The following SPATA6 variants were observed in gnomAD, a reference collection of about 807,000 sequenced individuals.
The protein encoded by SPATA6 is spermatogenesis-associated protein 6.
SPATA6 carries 56 observed loss-of-function variants against 65.3 expected under a neutral mutation model. That is an observed-to-expected ratio of 0.86 (90% CI 0.69 to 1.07). SPATA6 has a LOEUF of 1.07. Among genes scored for constraint, SPATA6 ranks in the 50% least tolerant of loss-of-function variants. The probability of loss-of-function intolerance (pLI) is 0.00; values close to 1 mark genes in which losing one functional copy is unlikely to be tolerated. For synonymous variants in SPATA6, 199 were observed against 213.2 expected (o/e 0.93, Z 0.58); for missense variants, 590 against 594.8 (o/e 0.99, Z 0.08).
chr1:48,386,616 T>C (rs561243947), intron 8 of SPATA6, among the ~76,000 whole-genome samples: 3 of 152,290 alleles, frequency 2.0e-5, no homozygotes, highest in Admixed American at 2.0e-4. Flanking sequence ...ACCCAAGAGA[T>C]ACTTCTCAAT....
downstream of SPATA6, among the ~76,000 whole-genome samples, chr1:48,291,203 G>T (rs1232767818): frequency 6.6e-6 from 1 of 152,212 alleles, no homozygotes; most frequent in Non-Finnish European, 1.5e-5. Context: ...CTGGTTTTGT[G>T]TTGGCCTCCA....
At chr1:48,364,449 C>T (rs1311726205) in intron 9 of SPATA6, among the ~76,000 whole-genome samples, 2 of 152,206 alleles carry the variant, frequency 1.3e-5, no homozygotes, top group Non-Finnish European at 2.9e-5. Context: ...TTCTACACAT[C>T]CTCTCCAGCA....
chr1:48,413,287 G>T, intron 3 of SPATA6, 136 bp from the exon 4 acceptor site: 2 of 251,418 alleles, frequency 8.0e-6, no homozygotes, highest in Non-Finnish European at 1.6e-5. Context: ...AGTATATAAT[G>T]TACACTTCTT....
chr1:48,460,358 TTTAA>T (rs1309308501), intron 1 of SPATA6, among the ~76,000 whole-genome samples: 5 of 152,178 alleles, frequency 3.3e-5, no homozygotes, highest in Non-Finnish European at 7.4e-5. Flanking sequence ...TTTGACAAAA[TTTAA>T]GCCTCATTCA....
intron 11 of SPATA6, among the ~76,000 whole-genome samples, chr1:48,347,465 A>G (rs1313075352): frequency 7.8e-6 from 1 of 127,664 alleles, no homozygotes; most frequent in Non-Finnish European, 1.6e-5. Context: ...ATGTATATAT[A>G]ATATAATATA....
intron 11 of SPATA6, among the ~76,000 whole-genome samples, chr1:48,339,034 G>C (rs1246974970): frequency 6.6e-6 from 1 of 152,020 alleles, no homozygotes; most frequent in Non-Finnish European, 1.5e-5. Flanking sequence ...CAAAACCAGA[G>C]AGCAGGGGAC....
chr1:48,471,862 G>T (rs1002609297), intron 1 of SPATA6, 96 bp downstream of exon 1: 27 of 1,398,142 alleles, frequency 1.9e-5, no homozygotes, highest in Non-Finnish European at 2.6e-5. Flanking sequence ...TGATTCGGAG[G>T]GTGAAGGAGG....
chr1:48,318,114 T>C (rs1377797217), intron 11 of SPATA6, among the ~76,000 whole-genome samples: 1 of 152,116 alleles, frequency 6.6e-6, no homozygotes, highest in African/African-American at 2.4e-5. Flanking sequence ...TTCAACAAAC[T>C]AGGAGTAGAA....
the SPATA6 span, among the ~76,000 whole-genome samples, chr1:48,268,881 C>T: frequency 6.6e-6 from 1 of 152,166 alleles, no homozygotes; most frequent in Admixed American, 6.5e-5. Context: ...TATCTTTATG[C>T]ATCTACTATT....
At chr1:48,460,090 C>A (rs551557929) in intron 1 of SPATA6, among the ~76,000 whole-genome samples, 1 of 152,108 alleles carries the variant, frequency 6.6e-6, no homozygotes, top group African/African-American at 2.4e-5. Context: ...CTCACCTCAA[C>A]CTCCCAAGTG....
At chr1:48,361,336 G>A (rs1439019182) in intron 9 of SPATA6, among the ~76,000 whole-genome samples, 1 of 152,200 alleles carries the variant, frequency 6.6e-6, no homozygotes, top group Admixed American at 6.5e-5. Flanking sequence ...TTTAAGGAAG[G>A]GGGAGTAACT....
intron 1 of SPATA6, among the ~76,000 whole-genome samples, chr1:48,458,470 C>T (rs1657170899): frequency 1.3e-5 from 2 of 152,126 alleles, no homozygotes; most frequent in South Asian, 2.1e-4. Flanking sequence ...TTTTTGCTGA[C>T]TGTCAGTGGG....
chr1:48,281,229 AC>A, the SPATA6 span, among the ~76,000 whole-genome samples: 1 of 151,912 alleles, frequency 6.6e-6, no homozygotes, highest in Non-Finnish European at 1.5e-5. Flanking sequence ...CCAATATCAT[AC>A]TGAATGGGCA....
chr1:48,361,145 G>A (rs1048872475), intron 9 of SPATA6, among the ~76,000 whole-genome samples: 2 of 152,088 alleles, frequency 1.3e-5, no homozygotes, highest in African/African-American at 4.8e-5. Context: ...ATTGCACTGG[G>A]TGATATTGCC....
At chr1:48,328,805 A>C (rs1043619557) in intron 11 of SPATA6, among the ~76,000 whole-genome samples, 2 of 152,184 alleles carry the variant, frequency 1.3e-5, no homozygotes, top group East Asian at 3.8e-4. Flanking sequence ...AGAATTGAGT[A>C]ATAAGTGACA....
intron 9 of SPATA6, among the ~76,000 whole-genome samples, chr1:48,360,719 T>C (rs777209827): frequency 6.6e-6 from 1 of 152,136 alleles, no homozygotes; most frequent in African/African-American, 2.4e-5. Flanking sequence ...ATATTGAGAA[T>C]AGTCTGCAGA....
At chr1:48,310,141 A>C (rs534347613) in intron 11 of SPATA6, among the ~76,000 whole-genome samples, 1 of 152,302 alleles carries the variant, frequency 6.6e-6, no homozygotes, top group South Asian at 2.1e-4. Context: ...TTCAATGGCT[A>C]TCCACCATTT....
chr1:48,270,329 G>A, the SPATA6 span, among the ~76,000 whole-genome samples: 1 of 152,042 alleles, frequency 6.6e-6, no homozygotes, highest in African/African-American at 2.4e-5. Context: ...TTTGCTATAG[G>A]TTTTAATGCG....
chr1:48,366,001 G>T (rs1010558929), intron 9 of SPATA6, among the ~76,000 whole-genome samples: 1 of 152,192 alleles, frequency 6.6e-6, no homozygotes, highest in Non-Finnish European at 1.5e-5. Flanking sequence ...TTTTTAGCAT[G>T]AAGCGTTGTT....
Sources: allele counts gnomAD v4.1 joint callset (sites outside exome capture counted in the v4.1 genomes callset), GRCh38; gene constraint gnomAD v4.1.1; transcripts MANE v1.5; gene names NCBI Gene and HGNC (gene_info 2026-07-23, HGNC 2026-07-21).